PPP1R11: variants seen among roughly 807,000 people sequenced by gnomAD.
PPP1R11 encodes E3 ubiquitin-protein ligase PPP1R11.
PPP1R11 carries 10 observed loss-of-function variants against 11.3 expected under a neutral mutation model. The observed-to-expected ratio is 0.88, with a 90% confidence interval of 0.55 to 1.50. The LOEUF is 1.50. Among genes scored for constraint, PPP1R11 ranks in the 40% most tolerant of loss-of-function variants. The pLI, the probability that PPP1R11 is intolerant of heterozygous loss-of-function variation, is 0.00. For synonymous variants in PPP1R11, 56 were observed against 62.3 expected (o/e 0.90, Z 0.48); for missense variants, 114 against 179.1 (o/e 0.64, Z 2.07).
At chr6:30,068,980 TG>T in intron 2 of PPP1R11, 123 bp from the exon 3 acceptor site, 1 of 1,042,004 alleles carries the variant, frequency 9.6e-7, no homozygotes, top group Non-Finnish European at 1.4e-6. Context: ...AGGGTGGGCC[TG>T]GGGAAGCTGG....
chr6:30,063,318 G>A (rs1421661104), upstream of PPP1R11, among the ~76,000 whole-genome samples: 1 of 151,820 alleles, frequency 6.6e-6, no homozygotes, highest in African/African-American at 2.4e-5. This position sits in a 1 kb window ranked among gnomAD's most constrained non-coding sequence, Gnocchi z 4.1. Context: ...TTCAATTGCT[G>A]TTCTCTTTAT....
chr6:30,069,422 G>A lies in PPP1R11; in HGVS notation c.*116G>A. On this transcript the variant is annotated 3_prime_UTR_variant, in exon 3 of 3. Transcript: ENST00000376772. This position sits in a 1 kb window ranked among gnomAD's most constrained non-coding sequence, Gnocchi z 6.6. ...CCTGATAGAGGGAAGAGGAAGAGGAGGACGAACAGAGATCCTGAAATTCTG... is the reference window on the plus strand; with the variant it reads ...CCTGATAGAGGGAAGAGGAAGAGGAAGACGAACAGAGATCCTGAAATTCTG... 1.2e-6 allele frequency: 1 copy of A among 855,324 alleles called. No homozygotes were observed. The highest frequency in any genetic ancestry group is 1.8e-6 in the Non-Finnish European group (1 of 571,188). The allele number at this position is 855,324 out of a possible 1,614,324, so 53.0% of individuals were successfully genotyped here.
chr6:30,062,201 C>G, upstream of PPP1R11: 1 of 1,595,998 alleles, frequency 6.3e-7, no homozygotes, highest in Non-Finnish European at 8.6e-7. Flanking sequence ...CCAGGCCTCC[C>G]TAACCCACCA....
At chr6:30,061,696 G>A in the PPP1R11 span, 1 of 1,612,050 alleles carries the variant, frequency 6.2e-7, no homozygotes, top group Non-Finnish European at 8.5e-7. This position sits in a 1 kb window ranked among gnomAD's most constrained non-coding sequence, Gnocchi z 5.0. Flanking sequence ...CAGGGGTCCT[G>A]GCGGAGGGCG....
At chr6:30,062,016 T>C (rs1765121000), upstream of PPP1R11, 3 of 1,612,810 alleles carry the variant, frequency 1.9e-6, no homozygotes, top group Non-Finnish European at 2.5e-6. Flanking sequence ...CAGGGACCTG[T>C]GGTAAGCTAA....
rs745677800 is a variant in PPP1R11 at position 30,068,607 on chromosome 6, C to T, written c.87C>T (p.Thr29=). ...CCTTCTAGGAGAACCGGAGCCTTAC[C>T]ATCAAACTTCGGAAACGGAAGCCAG... ...VTTEPENRSL[T]IKLRKRKPEK... is the part of the protein sequence containing the mutation. The change falls in exon 2 of 3, where the codon ACC becomes ACT. Residue 29 remains threonine (T), a synonymous_variant. Transcript: ENST00000376772. 5 of 1,612,546 alleles carry T rather than the reference C, an allele frequency of 3.1e-6. No individual in the cohort carries two copies. In the South Asian group the frequency reaches 3.3e-5, roughly 11 times the overall value.
At chr6:30,061,332 C>G in the PPP1R11 span, 70,581 of 595,568 alleles carry the variant, frequency 0.12, 5,766 homozygotes, top group African/African-American at 0.27. The surrounding 1 kb of genome is among the most constrained non-coding windows in gnomAD (Gnocchi z 5.0). Flanking sequence ...GGTTCCAAGT[C>G]CTTTAGTACC....
At chr6:30,065,678 A>G (rs1218341271), upstream of PPP1R11, among the ~76,000 whole-genome samples, 1 of 152,146 alleles carries the variant, frequency 6.6e-6, no homozygotes, top group Non-Finnish European at 1.5e-5. This position sits in a 1 kb window ranked among gnomAD's most constrained non-coding sequence, Gnocchi z 5.3. Flanking sequence ...TTGTATATCT[A>G]TTATAATAGA....
upstream of PPP1R11, among the ~76,000 whole-genome samples, chr6:30,065,476 GCTTA>G (rs1186663619): frequency 6.6e-6 from 1 of 151,792 alleles, no homozygotes; most frequent in Non-Finnish European, 1.5e-5. This position sits in a 1 kb window ranked among gnomAD's most constrained non-coding sequence, Gnocchi z 5.3. Flanking sequence ...GTTTTCTCTA[GCTTA>G]CTTGATTGTA....
At chr6:30,064,596 T>C, upstream of PPP1R11, 1 of 1,360,746 alleles carries the variant, frequency 7.3e-7, no homozygotes, top group Non-Finnish European at 1.0e-6. Flanking sequence ...TCCTTGATTA[T>C]TTGATTGCAT....
chr6:30,068,250 A>C (rs930317200), intron 1 of PPP1R11: 1 of 182,840 alleles, frequency 5.5e-6, no homozygotes, highest in African/African-American at 2.3e-5. Context: ...GGGACTGAAA[A>C]ATAATTTTCA....
Position 30,069,396 on chromosome 6 carries a change from G to T in PPP1R11, c.*90G>T. 9.6e-7 allele frequency: 1 copy of T among 1,045,328 alleles called. No homozygotes were observed. 64.8% of individuals were successfully genotyped at this position (1,045,328 alleles called of 1,614,324 possible). ...CCAGCCCCCTCCTTCCCTCTCTTCT[G>T]CCTGATAGAGGGAAGAGGAAGAGGA... is the stretch of plus-strand genomic sequence containing the variant. On this transcript the variant is annotated 3_prime_UTR_variant, in exon 3 of 3. Coordinates refer to ENST00000376772, the MANE Select transcript of PPP1R11 (RefSeq NM_021959.3). This position sits in a 1 kb window ranked among gnomAD's most constrained non-coding sequence, Gnocchi z 6.6.
In PPP1R11 at chr6:30,069,087, C is replaced by T. The variant is rs747651978; in HGVS notation, c.179-17C>T. 1.3e-6 allele frequency: 2 copies of T among 1,572,626 alleles called. No homozygotes were observed. Among genetic ancestry groups the T allele is most frequent in the Non-Finnish European group, 1.7e-6 (2 of 1,144,400 alleles). ...ACCCTTCCTCCTCTTTAACTGGGCT[C>T]CTCCCTCTAAATCTAGGCTGCTGTA... On this transcript the variant is annotated splice_polypyrimidine_tract_variant and intron_variant, in intron 2 of 2. Transcript: ENST00000376772. The surrounding 1 kb of genome is among the most constrained non-coding windows in gnomAD (Gnocchi z 6.6).
upstream of PPP1R11, chr6:30,064,697 A>C: frequency 6.2e-7 from 1 of 1,608,828 alleles, no homozygotes; most frequent in Non-Finnish European, 8.5e-7. Flanking sequence ...AAGACTCTTG[A>C]CCTTTTTCCT....
chr6:30,064,879 TAA>T (rs1463768829), upstream of PPP1R11: 1 of 434,728 alleles, frequency 2.3e-6, no homozygotes, highest in Non-Finnish European at 4.0e-6. Context: ...ATTTCCTTAT[TAA>T]AGTTATATTT....
Position 30,067,433 on chromosome 6 carries a change from T to C in PPP1R11, c.23T>C (p.Leu8Pro). 1 of 1,614,092 alleles carries C rather than the reference T, an allele frequency of 6.2e-7. No homozygotes were observed. The highest frequency in any genetic ancestry group is 1.1e-5 in the South Asian group (1 of 91,080). ...GCCATGGCCGAGGCAGGGGCTGGGC[T>C]GAGCGAGACCGTCACTGAGACAACG... MAEAGAG[L>P]SETVTETTVT... The change falls in exon 1 of 3, where the codon CTG becomes CCG. Residue 8 changes from leucine (L) to proline (P), a missense_variant. Coordinates refer to ENST00000376772, the MANE Select transcript of PPP1R11 (RefSeq NM_021959.3).
upstream of PPP1R11, chr6:30,061,743 G>A: frequency 6.3e-6 from 10 of 1,599,340 alleles, no homozygotes; most frequent in Non-Finnish European, 8.5e-6. This position sits in a 1 kb window ranked among gnomAD's most constrained non-coding sequence, Gnocchi z 5.0. Flanking sequence ...GATCGGTTGG[G>A]TTGAGGAGGG....
upstream of PPP1R11, chr6:30,064,708 G>T: frequency 2.5e-6 from 4 of 1,608,024 alleles, no homozygotes; most frequent in Non-Finnish European, 3.4e-6. Context: ...CCTTTTTCCT[G>T]GGCAACTCTA....
upstream of PPP1R11, chr6:30,064,570 C>A (rs1765359560): frequency 4.7e-6 from 5 of 1,054,554 alleles, no homozygotes; most frequent in Non-Finnish European, 6.9e-6. Flanking sequence ...TCAATGATGT[C>A]ATAAATAAAA....
Sources: allele counts gnomAD v4.1 joint callset (sites outside exome capture counted in the v4.1 genomes callset), GRCh38; gene constraint gnomAD v4.1.1; non-coding constraint Gnocchi (gnomAD v3.1); transcripts MANE v1.5; gene names NCBI Gene and HGNC (gene_info 2026-07-23, HGNC 2026-07-21).